The following PGPEP1 variants were observed in gnomAD, a reference collection of about 807,000 sequenced individuals.
PGPEP1 encodes pyroglutamyl-peptidase 1.
In PGPEP1, 15 loss-of-function variants were observed where a neutral mutation model predicts 24.1. That is an observed-to-expected ratio of 0.62 (90% CI 0.42 to 0.96). The LOEUF (loss-of-function observed/expected upper bound fraction) is 0.96, where lower values mean the gene tolerates loss of function less well. Among genes scored for constraint, PGPEP1 ranks in the 40% least tolerant of loss-of-function variants. PGPEP1 has a pLI of 0.00. For synonymous variants in PGPEP1, 122 were observed against 116.4 expected (o/e 1.05, Z -0.31); for missense variants, 242 against 273.4 (o/e 0.89, Z 0.81).
chr19:18,347,270 C>CT (rs59936417), intron 2 of PGPEP1, among the ~76,000 whole-genome samples: 1,025 of 94,340 alleles, frequency 0.011, 42 homozygotes, highest in African/African-American at 0.038. Context: ...TTCTTTCTTT[C>CT]TTTTTTTTTT....
intron 2 of PGPEP1, among the ~76,000 whole-genome samples, chr19:18,353,929 A>G (rs145103649): frequency 2.0e-4 from 31 of 152,188 alleles, no homozygotes; most frequent in African/African-American, 7.5e-4. Context: ...GCTTTTGTGA[A>G]TACTAGAGAG....
intron 2 of PGPEP1, among the ~76,000 whole-genome samples, chr19:18,344,641 G>A (rs186069450): frequency 6.6e-6 from 1 of 151,064 alleles, no homozygotes; most frequent in East Asian, 2.0e-4. Flanking sequence ...GAGGGACGGG[G>A]TCCCGGGACC....
At position 18,354,132 on chromosome 19, in the gene PGPEP1, G is replaced by A. The variant is rs1971114488; in HGVS notation, c.88-1763G>A. On this transcript the variant is annotated intron_variant, in intron 2 of 4. Transcript: ENST00000269919. ...TGTCTGTAATCCCAGCTACTGGGGAGGCTGAGGCTTGAGAGTCACTTGAAC... is the reference window on the plus strand; with the variant it reads ...TGTCTGTAATCCCAGCTACTGGGGAAGCTGAGGCTTGAGAGTCACTTGAAC... Among the ~76,000 whole-genome samples the A allele has an allele frequency of 1.3e-5, 2 of 152,192 alleles. 1 individual carries two copies. Among genetic ancestry groups the A allele is most frequent in the South Asian group, 4.1e-4 (2 of 4,836 alleles).
intron 1 of PGPEP1, 140 bp from the exon 2 acceptor site, chr19:18,342,719 G>T: frequency 3.0e-6 from 2 of 676,918 alleles, no homozygotes; most frequent in Non-Finnish European, 2.6e-6. Flanking sequence ...CAGAACTCAG[G>T]ACCAGGCCCC....
chr19:18,351,790 T>A (rs8103429), intron 2 of PGPEP1, among the ~76,000 whole-genome samples: 13,301 of 151,524 alleles, frequency 0.088, 1,923 homozygotes, highest in African/African-American at 0.3. Context: ...AAGAAAAAAT[T>A]CTATGGGATT....
At position 18,355,951 on chromosome 19, in the gene PGPEP1, G is replaced by A. The variant is rs761213096; in HGVS notation, c.144G>A (p.Pro48=). The stretch of plus-strand genomic sequence containing the variant: ...TGGACCTGCATGTGTACGAGATTCC[G>A]GTTGAGTACCAAACAGTCCAGAGAC... ...DSVDLHVYEI[P]VEYQTVQRLI... Residue 48 remains proline, a synonymous_variant, in exon 3 of 5, where the codon CCG becomes CCA. Transcript: ENST00000269919. 17 of 1,613,552 alleles carry A rather than the reference G, an allele frequency of 1.1e-5. No individual in the cohort carries two copies. Among genetic ancestry groups the A allele is most frequent in the Admixed American group, 3.3e-5 (2 of 59,976 alleles).
At chr19:18,354,606 C>T (rs909490650) in intron 2 of PGPEP1, among the ~76,000 whole-genome samples, 8 of 152,194 alleles carry the variant, frequency 5.3e-5, no homozygotes, top group Non-Finnish European at 8.8e-5. Context: ...CAACCTCAAC[C>T]GCCTGGGCTT....
chr19:18,350,869 G>A (rs749089961), intron 2 of PGPEP1, among the ~76,000 whole-genome samples: 2 of 152,216 alleles, frequency 1.3e-5, no homozygotes, highest in East Asian at 1.9e-4. Context: ...AGGCTGCAGC[G>A]AGCGCTGATG....
At chr19:18,347,732 C>A (rs2144539612) in intron 2 of PGPEP1, among the ~76,000 whole-genome samples, 1 of 151,344 alleles carries the variant, frequency 6.6e-6, no homozygotes, top group African/African-American at 2.4e-5. Flanking sequence ...CTCCCGAGTT[C>A]AAGTGATTCT....
chr19:18,341,607 G>A (rs1970673048), intron 1 of PGPEP1, among the ~76,000 whole-genome samples: 1 of 152,192 alleles, frequency 6.6e-6, no homozygotes, highest in South Asian at 2.1e-4. Flanking sequence ...TAACAGGTGT[G>A]TATAATTGGG....
chr19:18,362,605 G>A (rs994861520), intron 4 of PGPEP1, among the ~76,000 whole-genome samples: 11 of 151,242 alleles, frequency 7.3e-5, no homozygotes, highest in Non-Finnish European at 1.6e-4. Context: ...GCCCACGCCC[G>A]TAATCCCAGC....
At chr19:18,343,263 A>G (rs558258810) in intron 2 of PGPEP1, among the ~76,000 whole-genome samples, 1 of 152,068 alleles carries the variant, frequency 6.6e-6, no homozygotes, top group East Asian at 1.9e-4. Flanking sequence ...GCCTCTTAAA[A>G]TGCTGGAATT....
At position 18,366,364 on chromosome 19, in the gene PGPEP1, C is replaced by T. The variant is rs1971549564; in HGVS notation, c.*2781C>T. The T allele has an allele frequency of 6.6e-6, 1 of 152,168 alleles. No individual in the cohort carries two copies. Among genetic ancestry groups the T allele is most frequent in the African/African-American group, 2.4e-5 (1 of 41,430 alleles). The allele number at this position is 152,168 out of a possible 1,614,324, so 9.4% of individuals were successfully genotyped here. A position where few individuals can be genotyped will look rare whatever the true frequency, so the allele number is the denominator to read the frequency against. ...TCATTGTCACGTGTGTGTGTGTCAT[C>T]TTTGTATTCTTGCAGTGGTTTCACA... On this transcript the variant is annotated 3_prime_UTR_variant, in exon 5 of 5. Coordinates refer to ENST00000269919, the MANE Select transcript of PGPEP1 (RefSeq NM_017712.4).
intron 2 of PGPEP1, among the ~76,000 whole-genome samples, chr19:18,347,270 C>CTTTTTTT (rs59936417): frequency 0.08 from 7,576 of 94,318 alleles, 665 homozygotes; most frequent in Middle Eastern, 0.1. Flanking sequence ...TTCTTTCTTT[C>CTTTTTTT]TTTTTTTTTT....
rs1600236296 is a variant in PGPEP1, at chr19:18,368,089, C to A, written c.*4506C>A. The A allele has an allele frequency of 6.6e-6, 1 of 151,704 alleles. No individual in the cohort carries two copies. Among genetic ancestry groups the A allele is most frequent in the Admixed American group, 6.6e-5 (1 of 15,180 alleles). 9.4% of individuals were successfully genotyped at this position (151,704 alleles called of 1,614,324 possible). On this transcript the variant is annotated 3_prime_UTR_variant, in exon 5 of 5. Coordinates refer to ENST00000269919, the MANE Select transcript of PGPEP1 (RefSeq NM_017712.4). ...TGAAGGCTGCAATGAGCCATGATTA[C>A]ACTACTGTACCCCAGCCTGGGCAAC... is the stretch of plus-strand genomic sequence containing the variant.
rs1971618022 is a variant in PGPEP1, at chr19:18,368,486, G to C, written c.*4903G>C. ...TCCCTGCTCTGCTTTTCTGCTCGTT[G>C]CTGGCATAGAAACATCTAGAACAGA... On this transcript the variant is annotated 3_prime_UTR_variant, in exon 5 of 5. Transcript: ENST00000269919. 6.6e-6 allele frequency: 1 copy of C among 152,040 alleles called. No individual in the cohort carries two copies. The highest frequency in any genetic ancestry group is 1.5e-5 in the Non-Finnish European group (1 of 68,034). The allele number at this position is 152,040 out of a possible 1,614,324, so 9.4% of individuals were successfully genotyped here. A position where few individuals can be genotyped will look rare whatever the true frequency, so the allele number is the denominator to read the frequency against.
intron 2 of PGPEP1, chr19:18,349,094 A>G (rs1461635979): frequency 1.0e-6 from 1 of 983,700 alleles, no homozygotes; most frequent in Non-Finnish European, 1.2e-6. Flanking sequence ...CACACACATG[A>G]ACACCTCTCT....
intron 2 of PGPEP1, among the ~76,000 whole-genome samples, chr19:18,343,851 T>G (rs1297260919): frequency 1.3e-5 from 2 of 151,848 alleles, no homozygotes; most frequent in Non-Finnish European, 2.9e-5. Context: ...CCTGGCTACT[T>G]TTTTCTATTT....
At chr19:18,361,748 C>G in intron 4 of PGPEP1, 1 of 985,388 alleles carries the variant, frequency 1.0e-6, no homozygotes, top group Non-Finnish European at 1.2e-6. Flanking sequence ...TGACACGTTT[C>G]CGTACATATA....
Sources: allele counts gnomAD v4.1 joint callset (sites outside exome capture counted in the v4.1 genomes callset), GRCh38; gene constraint gnomAD v4.1.1; transcripts MANE v1.5; gene names NCBI Gene and HGNC (gene_info 2026-07-23, HGNC 2026-07-21).